Variants in REV3L observed in about 807,000 individuals in gnomAD.
REV3L encodes the protein REV3 like, DNA directed polymerase zeta catalytic subunit, also known as DNA polymerase zeta catalytic subunit.
REV3L carries 69 observed loss-of-function variants against 299.4 expected under a neutral mutation model. That is an observed-to-expected ratio of 0.23 (90% CI 0.19 to 0.28). The LOEUF is 0.28. REV3L is among the 10% of genes least tolerant of loss of function. The pLI, the probability that REV3L is intolerant of heterozygous loss-of-function variation, is 1.00. For synonymous variants in REV3L, 1,238 were observed against 1,271.4 expected, an observed-to-expected ratio of 0.97 and a Z score of 0.56; for missense variants, 3,128 against 3,693.8, an observed-to-expected ratio of 0.85 and a Z score of 3.97.
At chr6:111,441,371 G>A (rs190377744) in intron 1 of REV3L, among the ~76,000 whole-genome samples, 1 of 152,102 alleles carries the variant, frequency 6.6e-6, no homozygotes, top group East Asian at 1.9e-4. Context: ...TCCCACCTCA[G>A]CCTCCCAAAT....
At chr6:111,377,128 TA>T (rs1288209703) in intron 12 of REV3L, among the ~76,000 whole-genome samples, 1 of 152,162 alleles carries the variant, frequency 6.6e-6, no homozygotes, top group Non-Finnish European at 1.5e-5. Flanking sequence ...CAACAAACAT[TA>T]AAGTTTTCAA....
intron 25 of REV3L, among the ~76,000 whole-genome samples, chr6:111,327,958 A>G (rs1337119383): frequency 6.6e-6 from 1 of 152,112 alleles, no homozygotes; most frequent in Non-Finnish European, 1.5e-5. Context: ...CTTTTCTCTT[A>G]CTGAACTAAT....
intron 16 of REV3L, among the ~76,000 whole-genome samples, chr6:111,362,338 C>A (rs1273243858): frequency 6.6e-6 from 1 of 152,080 alleles, no homozygotes; most frequent in African/African-American, 2.4e-5. Flanking sequence ...TAAAATTTTT[C>A]CCTCAGTTTA....
intron 1 of REV3L, among the ~76,000 whole-genome samples, chr6:111,448,670 G>C (rs1789140843): frequency 6.6e-6 from 1 of 150,836 alleles, no homozygotes; most frequent in Non-Finnish European, 1.5e-5. Flanking sequence ...ACCCAGGCTG[G>C]AGTGCCATGG....
In REV3L at chr6:111,376,071, T is replaced by C. The variant is rs772322864; in HGVS notation, c.2284A>G (p.Ser762Gly). 6 of 1,613,906 alleles carry C rather than the reference T, an allele frequency of 3.7e-6. No individual in the cohort carries two copies. Among genetic ancestry groups the C allele is most frequent in the Non-Finnish European group, 5.1e-6 (6 of 1,179,886 alleles). The change falls in exon 13 of 32, where the codon AGC (serine) becomes GGC (glycine). Residue 762 changes from serine (S) to glycine (G), a missense_variant. By Grantham distance (56) the Ser-to-Gly change is moderately conservative. Transcript: ENST00000368802. ...ENRTMVHSLN[S>G]TADESGLNKL... ...TTTAGTCCACTTTCATCAGCAGTGC[T>C]ATTAAGAGAATGCACCATAGTTCTA...
At chr6:111,314,534 A>T (rs369391088) in intron 27 of REV3L, among the ~76,000 whole-genome samples, 1 of 152,214 alleles carries the variant, frequency 6.6e-6, no homozygotes, top group Non-Finnish European at 1.5e-5. Flanking sequence ...ATCAACCACC[A>T]GACATGATGG....
At chr6:111,340,597 T>C (rs929260781) in intron 21 of REV3L, among the ~76,000 whole-genome samples, 18 of 152,110 alleles carry the variant, frequency 1.2e-4, no homozygotes, top group African/African-American at 4.1e-4. Context: ...TTACAATATA[T>C]ATGTATGTCC....
intron 9 of REV3L, among the ~76,000 whole-genome samples, chr6:111,381,983 T>C (rs1780878512): frequency 6.6e-6 from 1 of 152,224 alleles, no homozygotes; most frequent in Admixed American, 6.5e-5. Context: ...TGAACTGTAG[T>C]TGTGGTTTCC....
chr6:111,448,074 C>G (rs1025736786), intron 1 of REV3L, among the ~76,000 whole-genome samples: 4 of 152,108 alleles, frequency 2.6e-5, no homozygotes, highest in African/African-American at 9.7e-5. Flanking sequence ...AATTTTCTGG[C>G]TCCTTGGGGC....
At chr6:111,431,250 A>T (rs1026169366) in intron 1 of REV3L, 25 of 1,529,116 alleles carry the variant, frequency 1.6e-5, no homozygotes, top group Non-Finnish European at 2.2e-5. Flanking sequence ...CCAGGACCCT[A>T]CAAGAGATTT....
chr6:111,335,413 CAA>C (rs1159017928), intron 22 of REV3L, 54 bp downstream of exon 22: 1 of 1,541,380 alleles, frequency 6.5e-7, no homozygotes, highest in Non-Finnish European at 8.7e-7. Flanking sequence ...TCAAACATCA[CAA>C]AAGTGTATCA....
At chr6:111,304,297 T>G (rs934515720) in intron 31 of REV3L, among the ~76,000 whole-genome samples, 2 of 150,274 alleles carry the variant, frequency 1.3e-5, no homozygotes, top group East Asian at 3.9e-4. Flanking sequence ...TAGAAACACT[T>G]AAGAAGTACA....
chr6:111,304,613 C>CTTTTTTTT (rs57907202), intron 31 of REV3L, among the ~76,000 whole-genome samples: 4 of 116,620 alleles, frequency 3.4e-5, no homozygotes, highest in Non-Finnish European at 5.7e-5. Context: ...ATCGCTTTTT[C>CTTTTTTTT]TTTTTTTTTT....
intron 1 of REV3L, among the ~76,000 whole-genome samples, chr6:111,477,192 ACT>A (rs1378961854): frequency 1.3e-5 from 2 of 152,240 alleles, no homozygotes; most frequent in Non-Finnish European, 2.9e-5. Flanking sequence ...ATTGTTGAAC[ACT>A]TAGAGTTGTT....
intron 5 of REV3L, among the ~76,000 whole-genome samples, chr6:111,391,888 C>T (rs1281240358): frequency 1.3e-5 from 2 of 152,210 alleles, no homozygotes; most frequent in South Asian, 2.1e-4. Flanking sequence ...TCTTGGGAGG[C>T]TAAGGTGGGA....
intron 11 of REV3L, among the ~76,000 whole-genome samples, chr6:111,379,375 TACTCAGTCTTTC>T (rs1261409681): frequency 6.6e-6 from 1 of 152,206 alleles, no homozygotes; most frequent in Non-Finnish European, 1.5e-5. Context: ...AGGAGAGGCA[TACTCAGTCTTTC>T]AGGCTCATAG....
At chr6:111,357,161 T>TGTTA in intron 17 of REV3L, 36 bp from the exon 18 acceptor site, 3 of 761,914 alleles carry the variant, frequency 3.9e-6, no homozygotes, top group Non-Finnish European at 5.9e-6. Flanking sequence ...ATATATAACA[T>TGTTA]TATATAATAA....
intron 18 of REV3L, 44 bp from the exon 19 acceptor site, chr6:111,351,835 G>T: frequency 2.3e-6 from 3 of 1,282,626 alleles, no homozygotes; most frequent in South Asian, 2.5e-5. Context: ...CCATACATTT[G>T]AACCTTTAAC....
intron 26 of REV3L, among the ~76,000 whole-genome samples, 182 bp downstream of exon 26, chr6:111,322,385 CTG>C (rs1223797127): frequency 1.3e-5 from 2 of 152,188 alleles, no homozygotes; most frequent in East Asian, 1.9e-4. Context: ...AGGACACAAA[CTG>C]TCTCTTACGA....
Sources: gnomAD v4.1 joint callset for allele counts (sites outside exome capture counted in the v4.1 genomes callset) on GRCh38, gnomAD v4.1.1 for gene constraint, MANE v1.5 for transcripts, NCBI Gene and HGNC (gene_info 2026-07-23, HGNC 2026-07-21) for gene names.